The following SGCZ variants were observed in gnomAD, a reference collection of about 807,000 sequenced individuals.
SGCZ encodes the protein zeta-sarcoglycan.
In SGCZ, 40 loss-of-function variants were observed where a neutral mutation model predicts 41.3. The ratio of observed to expected loss-of-function variants is 0.97; its 90% confidence interval spans 0.75 to 1.26. The LOEUF (loss-of-function observed/expected upper bound fraction) is 1.26. Ranked by LOEUF, SGCZ falls within the 50% of genes most tolerant of loss-of-function variation. The pLI is 0.00. For missense variants in SGCZ, 552 were observed against 369.8 expected (o/e 1.49, Z -4.04); for synonymous variants, 206 against 137.5 (o/e 1.50, Z -3.49).
At chr8:14,544,168 A>C (rs1478358892) in intron 2 of SGCZ, among the ~76,000 whole-genome samples, 1 of 152,112 alleles carries the variant, frequency 6.6e-6, no homozygotes, top group Non-Finnish European at 1.5e-5. Context: ...TTTCATCTTA[A>C]TATGGACATT....
intron 1 of SGCZ, among the ~76,000 whole-genome samples, chr8:14,705,998 A>C (rs1305997585): frequency 1.3e-5 from 2 of 152,020 alleles, no homozygotes; most frequent in Non-Finnish European, 2.9e-5. Context: ...ATCATAATAG[A>C]AATAAATAAT....
At chr8:14,721,745 C>T (rs777649127) in intron 1 of SGCZ, among the ~76,000 whole-genome samples, 7 of 152,212 alleles carry the variant, frequency 4.6e-5, no homozygotes, top group Non-Finnish European at 8.8e-5. Context: ...TTTAAATCTT[C>T]TGTTCAAAAC....
chr8:14,413,432 G>T (rs576844109), intron 2 of SGCZ, among the ~76,000 whole-genome samples: 1 of 151,848 alleles, frequency 6.6e-6, no homozygotes, highest in East Asian at 1.9e-4. Context: ...ATCTTTGCAA[G>T]GAAAGAGTTC....
chr8:14,662,702 A>C (rs560763998), intron 1 of SGCZ, among the ~76,000 whole-genome samples: 1 of 152,288 alleles, frequency 6.6e-6, no homozygotes, highest in Admixed American at 6.5e-5. Context: ...TTGATAATGA[A>C]ATCATGGTTG....
chr8:14,695,485 G>A (rs1406162763), intron 1 of SGCZ, among the ~76,000 whole-genome samples: 1 of 152,070 alleles, frequency 6.6e-6, no homozygotes, highest in African/African-American at 2.4e-5. Flanking sequence ...ATTATGGCAG[G>A]ATGGAGTAGG....
intron 1 of SGCZ, among the ~76,000 whole-genome samples, chr8:15,023,449 G>A (rs73205404): frequency 0.023 from 3,539 of 152,100 alleles, 69 homozygotes; most frequent in Non-Finnish European, 0.038. Flanking sequence ...TTTTTGTTCC[G>A]TTTTTCTGAA....
chr8:14,462,848 T>C (rs1800940765), intron 2 of SGCZ, among the ~76,000 whole-genome samples: 1 of 151,400 alleles, frequency 6.6e-6, no homozygotes, highest in African/African-American at 2.4e-5. Context: ...TTCCAATCCA[T>C]GGGCATAGAA....
chr8:14,671,894 T>A (rs73202807), intron 1 of SGCZ, among the ~76,000 whole-genome samples: 1 of 152,308 alleles, frequency 6.6e-6, no homozygotes, highest in Non-Finnish European at 1.5e-5. Flanking sequence ...ATAAACATAC[T>A]AATGTAATTA....
chr8:14,334,875 C>A (rs1308101715), intron 2 of SGCZ, among the ~76,000 whole-genome samples: 2 of 152,056 alleles, frequency 1.3e-5, no homozygotes, highest in Non-Finnish European at 2.9e-5. Context: ...ATTCATTATA[C>A]AGAAGTAACT....
At chr8:15,225,240 T>C in intron 1 of SGCZ, among the ~76,000 whole-genome samples, 1 of 152,178 alleles carries the variant, frequency 6.6e-6, no homozygotes, top group East Asian at 1.9e-4. Flanking sequence ...AGGCCATTTT[T>C]TTCCTACCAC....
chr8:14,410,741 C>T (rs962186376), intron 2 of SGCZ, among the ~76,000 whole-genome samples: 3 of 152,008 alleles, frequency 2.0e-5, no homozygotes, highest in African/African-American at 4.8e-5. Flanking sequence ...TAAACCTGCA[C>T]GTTTTGCACA....
chr8:14,979,906 T>A (rs1378947462), intron 1 of SGCZ, among the ~76,000 whole-genome samples: 1 of 152,220 alleles, frequency 6.6e-6, no homozygotes, highest in African/African-American at 2.4e-5. Flanking sequence ...TATTTTGTAT[T>A]TTTTCTCACT....
At position 14,147,596 on chromosome 8, in the gene SGCZ, A is replaced by T. The variant is rs947458475; in HGVS notation, c.547+16984T>A. Among the ~76,000 whole-genome samples, 11 of 152,176 alleles carry T rather than the reference A, an allele frequency of 7.2e-5. 1 individual carries two copies. Among genetic ancestry groups the T allele is most frequent in the African/African-American group, 1.7e-4 (7 of 41,446 alleles). Reference sequence around the variant, plus strand: ...CATTATTATAACTAAAAAGAGTAATATGTCCAAATACGATAACTGGAAACT... The same window carrying T: ...CATTATTATAACTAAAAAGAGTAATTTGTCCAAATACGATAACTGGAAACT... On this transcript the variant is annotated intron_variant, in intron 5 of 7. Coordinates refer to ENST00000382080, the MANE Select transcript of SGCZ (RefSeq NM_139167.4).
In SGCZ at chr8:14,943,795, G is replaced by C. The variant is rs145774426; in HGVS notation, c.39+293790C>G. Among the ~76,000 whole-genome samples, 9 of 152,142 alleles carry C rather than the reference G, an allele frequency of 5.9e-5. No homozygotes were observed. The East Asian group carries it at 1.7e-3, about 30-fold the overall frequency. On this transcript the variant is annotated intron_variant, in intron 1 of 7. Coordinates refer to ENST00000382080, the MANE Select transcript of SGCZ (RefSeq NM_139167.4). ...CCTCTTTGTGTTCATGTATTCTCAT[G>C]GTTTAGCTCCCACTTACAAGTAAGA...
intron 1 of SGCZ, among the ~76,000 whole-genome samples, chr8:14,916,704 G>C (rs1563361481): frequency 2.0e-5 from 3 of 152,120 alleles, no homozygotes; most frequent in African/African-American, 7.2e-5. Context: ...TGTCAATCTA[G>C]ACACGAGTAA....
At chr8:14,675,518 G>A (rs1404375955) in intron 1 of SGCZ, among the ~76,000 whole-genome samples, 3 of 152,000 alleles carry the variant, frequency 2.0e-5, no homozygotes, top group Non-Finnish European at 2.9e-5. Context: ...TTTACAGAGT[G>A]TATACACTTT....
At chr8:15,037,549 C>G (rs1489298216) in intron 1 of SGCZ, among the ~76,000 whole-genome samples, 1 of 152,180 alleles carries the variant, frequency 6.6e-6, no homozygotes, top group African/African-American at 2.4e-5. Flanking sequence ...AAGTTTTCCT[C>G]TGAGATCAGT....
intron 1 of SGCZ, among the ~76,000 whole-genome samples, chr8:14,978,506 A>AAAAAAAAAAAC (rs1801560741): frequency 7.4e-6 from 1 of 135,994 alleles, no homozygotes; most frequent in African/African-American, 2.9e-5. Context: ...AAAAAAAAAA[A>AAAAAAAAAAAC]TTGTATCTGC....
At chr8:15,105,494 GGA>G (rs142403012) in intron 1 of SGCZ, among the ~76,000 whole-genome samples, 1 of 150,908 alleles carries the variant, frequency 6.6e-6, no homozygotes, top group Non-Finnish European at 1.5e-5. Context: ...TGGTGGAGCA[GGA>G]GAGAGAGAGA....
Sources: allele counts gnomAD v4.1 joint callset (sites outside exome capture counted in the v4.1 genomes callset), GRCh38; gene constraint gnomAD v4.1.1; transcripts MANE v1.5; gene names NCBI Gene and HGNC (gene_info 2026-07-23, HGNC 2026-07-21).